The following LANCL2 variants were observed in gnomAD, a reference collection of about 807,000 sequenced individuals.
The protein encoded by LANCL2 is LanC like glutathione S-transferase 2.
Under a neutral mutation model 56.9 loss-of-function variants are expected in LANCL2, and 33 were observed. That is an observed-to-expected ratio of 0.58 (90% CI 0.44 to 0.78). LANCL2 has a LOEUF of 0.78. Ranked by LOEUF, LANCL2 falls within the 30% of genes least tolerant of loss-of-function variation. LANCL2 has a pLI of 0.00. For synonymous variants in LANCL2, 233 were observed against 228.2 expected, an observed-to-expected ratio of 1.02 and a Z score of -0.19; for missense variants, 562 against 580.2, an observed-to-expected ratio of 0.97 and a Z score of 0.32.
intron 5 of LANCL2, among the ~76,000 whole-genome samples, chr7:55,403,081 G>C (rs1267421154): frequency 6.6e-6 from 1 of 152,204 alleles, no homozygotes; most frequent in Non-Finnish European, 1.5e-5. Flanking sequence ...GGGGGGCCAA[G>C]GCAGGCAGCT....
At chr7:55,393,584 G>A (rs943536692) in intron 2 of LANCL2, among the ~76,000 whole-genome samples, 13 of 151,972 alleles carry the variant, frequency 8.6e-5, no homozygotes, top group African/African-American at 2.4e-5. Context: ...CATAGACAGA[G>A]ATATACATGT....
chr7:55,410,798 G>A (rs1001343061), intron 5 of LANCL2, among the ~76,000 whole-genome samples: 11 of 151,934 alleles, frequency 7.2e-5, no homozygotes, highest in Admixed American at 6.6e-5. Context: ...TAAAGATGTC[G>A]TGTGTTGTGA....
chr7:55,396,093 G>A (rs908891088), intron 2 of LANCL2, among the ~76,000 whole-genome samples: 2 of 152,230 alleles, frequency 1.3e-5, no homozygotes, highest in African/African-American at 4.8e-5. Flanking sequence ...ACGATCTTAT[G>A]GGACTATGCC....
At chr7:55,371,269 C>T (rs1789940867) in intron 1 of LANCL2, among the ~76,000 whole-genome samples, 1 of 152,134 alleles carries the variant, frequency 6.6e-6, no homozygotes, top group Non-Finnish European at 1.5e-5. Flanking sequence ...GACAGGGTCT[C>T]ACTCTGTTGT....
rs776987807 is a variant in LANCL2 at position 55,400,099 on chromosome 7, A to G, written c.673A>G (p.Lys225Glu). 6.9e-6 allele frequency: 11 copies of G among 1,605,546 alleles called. No individual in the cohort carries two copies. In the South Asian group the frequency reaches 1.1e-4, roughly 16 times the overall value. Residue 225 changes from lysine to glutamate, a missense_variant, in exon 4 of 9, where the codon AAA becomes GAA. Around this residue, in one of 2 missense-constraint regions of LANCL2, gnomAD observed 378 missense variants for 468.4 expected, o/e 0.81. Coordinates refer to ENST00000254770, the MANE Select transcript of LANCL2 (RefSeq NM_018697.4). ...AGGCACCGTGTGTGAGTCAGCTATT[A>G]AAGAGGTACTATGGGGTATGGGTAA... The part of the protein sequence containing the change: ...GPGTVCESAI[K>E]EVVNAIIESG...
intron 6 of LANCL2, among the ~76,000 whole-genome samples, chr7:55,424,924 T>C (rs954414612): frequency 3.3e-5 from 5 of 152,192 alleles, no homozygotes; most frequent in Non-Finnish European, 5.9e-5. Context: ...GCGCTCCTTA[T>C]GAGAATCTAA....
At chr7:55,424,126 T>C (rs1790637333) in intron 6 of LANCL2, among the ~76,000 whole-genome samples, 1 of 152,030 alleles carries the variant, frequency 6.6e-6, no homozygotes, top group African/African-American at 2.4e-5. Context: ...CCAAAACCCA[T>C]TTGCACTGGA....
chr7:55,416,679 C>T (rs1392358668), intron 6 of LANCL2, among the ~76,000 whole-genome samples: 1 of 152,048 alleles, frequency 6.6e-6, no homozygotes, highest in Non-Finnish European at 1.5e-5. Flanking sequence ...GTTAAAGTCC[C>T]TCTGTCAGAT....
chr7:55,413,968 T>C (rs1562867764), intron 6 of LANCL2, among the ~76,000 whole-genome samples: 1 of 152,192 alleles, frequency 6.6e-6, no homozygotes, highest in East Asian at 1.9e-4. Flanking sequence ...CCAGCATAAA[T>C]AAATGATAAA....
chr7:55,404,484 C>T (rs1480923883), intron 5 of LANCL2, among the ~76,000 whole-genome samples: 1 of 152,216 alleles, frequency 6.6e-6, no homozygotes, highest in Non-Finnish European at 1.5e-5. Context: ...TGTTCTCACT[C>T]ACTAAAGGAA....
chr7:55,417,673 G>C (rs1288132294), intron 6 of LANCL2, among the ~76,000 whole-genome samples: 1 of 152,070 alleles, frequency 6.6e-6, no homozygotes, highest in Admixed American at 6.6e-5. Flanking sequence ...GATCCACTTG[G>C]GTAGAACTAA....
chr7:55,394,588 C>T (rs1271642222), intron 2 of LANCL2, among the ~76,000 whole-genome samples: 2 of 152,168 alleles, frequency 1.3e-5, no homozygotes, highest in African/African-American at 4.8e-5. Context: ...ATGAATGAAG[C>T]ACCCACAACT....
At chr7:55,373,653 A>G (rs896328926) in intron 1 of LANCL2, among the ~76,000 whole-genome samples, 3 of 152,192 alleles carry the variant, frequency 2.0e-5, no homozygotes, top group Non-Finnish European at 2.9e-5. Context: ...CGCAGTAGGT[A>G]GTAAATGTTT....
intron 6 of LANCL2, 148 bp downstream of exon 6, chr7:55,412,237 T>TGTAA: frequency 1.4e-6 from 1 of 701,406 alleles, no homozygotes; most frequent in Non-Finnish European, 2.3e-6. Context: ...CTCTGTATTT[T>TGTAA]ACCACTCATC....
chr7:55,392,597 C>T (rs1790204869), intron 2 of LANCL2, among the ~76,000 whole-genome samples: 1 of 152,148 alleles, frequency 6.6e-6, no homozygotes, highest in Non-Finnish European at 1.5e-5. Flanking sequence ...GATCCTCCTG[C>T]TTCAGCCTCC....
At chr7:55,370,198 A>G (rs1215450132) in intron 1 of LANCL2, among the ~76,000 whole-genome samples, 1 of 152,166 alleles carries the variant, frequency 6.6e-6, no homozygotes, top group Non-Finnish European at 1.5e-5. Flanking sequence ...GTCTAACCAC[A>G]TGGGCTGCTC....
rs1055355323 is a variant in LANCL2 at position 55,376,784 on chromosome 7, C to G, written c.204+10555C>G. On this transcript the variant is annotated intron_variant, in intron 1 of 8. Coordinates refer to ENST00000254770, the MANE Select transcript of LANCL2 (RefSeq NM_018697.4). ...TTATTTTTACGTTTGTCTCATTAGACCAGGAACATTTTGGGGAGTACCCAG... is the reference window on the plus strand; with the variant it reads ...TTATTTTTACGTTTGTCTCATTAGAGCAGGAACATTTTGGGGAGTACCCAG... 2.0e-5 allele frequency among the ~76,000 whole-genome samples: 3 copies of G among 152,174 alleles called. No individual in the cohort carries two copies. The South Asian group carries it at 6.2e-4, about 32-fold the overall frequency.
intron 6 of LANCL2, among the ~76,000 whole-genome samples, chr7:55,419,361 A>C (rs1245128206): frequency 7.0e-6 from 1 of 141,900 alleles, no homozygotes; most frequent in Non-Finnish European, 1.6e-5. Flanking sequence ...TTTAATGTTT[A>C]GTAAGGTCTG....
intron 6 of LANCL2, among the ~76,000 whole-genome samples, chr7:55,424,159 G>A (rs190414123): frequency 3.2e-4 from 48 of 152,298 alleles, no homozygotes; most frequent in Middle Eastern, 6.8e-3. Context: ...TAGCAGGTAG[G>A]GATAACTAAG....
Sources: allele counts gnomAD v4.1 joint callset (sites outside exome capture counted in the v4.1 genomes callset), GRCh38; gene constraint gnomAD v4.1.1; regional missense constraint gnomAD v4.1.1; transcripts MANE v1.5; gene names NCBI Gene and HGNC (gene_info 2026-07-23, HGNC 2026-07-21).